GALNT13: variants seen among roughly 807,000 people sequenced by gnomAD.
GALNT13 encodes UDP-GalNAc:polypeptide N-acetylgalactosaminyltransferase 13.
GALNT13 carries 28 observed loss-of-function variants against 64.2 expected under a neutral mutation model. That is an observed-to-expected ratio of 0.44 (90% CI 0.32 to 0.60). The LOEUF (loss-of-function observed/expected upper bound fraction) is 0.60, where lower values mean the gene tolerates loss of function less well. GALNT13 is among the 20% of genes least tolerant of loss of function. The probability of loss-of-function intolerance (pLI) is 0.05; values close to 1 mark genes in which losing one functional copy is unlikely to be tolerated. For synonymous variants in GALNT13, 214 were observed against 224.6 expected, an observed-to-expected ratio of 0.95 and a Z score of 0.42; for missense variants, 577 against 669.8, an observed-to-expected ratio of 0.86 and a Z score of 1.53.
At chr2:153,513,148 G>GT in the GALNT13 span, among the ~76,000 whole-genome samples, 62 of 152,058 alleles carry the variant, frequency 4.1e-4, no homozygotes, top group East Asian at 0.012. Flanking sequence ...TAACTTCCAG[G>GT]TTTTTGTTTT....
At chr2:154,142,619 T>C (rs1683326344) in intron 4 of GALNT13, among the ~76,000 whole-genome samples, 1 of 150,758 alleles carries the variant, frequency 6.6e-6, no homozygotes, top group Admixed American at 6.6e-5. Context: ...CCAGGGCTTG[T>C]AATTGTCAGA....
At chr2:153,599,529 G>A in the GALNT13 span, among the ~76,000 whole-genome samples, 18 of 151,822 alleles carry the variant, frequency 1.2e-4, no homozygotes, top group Admixed American at 1.2e-3. Context: ...TGTACTGCTT[G>A]GCCCAAGAGG....
the GALNT13 span, among the ~76,000 whole-genome samples, chr2:153,258,339 A>T: frequency 3.3e-5 from 5 of 150,196 alleles, no homozygotes; most frequent in African/African-American, 1.2e-4. Flanking sequence ...CTGGAGACTG[A>T]TTTGAGTAAT....
chr2:153,597,118 A>G, the GALNT13 span, among the ~76,000 whole-genome samples: 1 of 152,050 alleles, frequency 6.6e-6, no homozygotes, highest in Middle Eastern at 3.2e-3. Context: ...CTAGGCTTCT[A>G]CTCTGGCCTC....
rs543281310 is a variant in GALNT13, at chr2:154,048,300, G to C, written c.143-92037G>C. Among the ~76,000 whole-genome samples, 15 of 152,162 alleles carry C rather than the reference G, an allele frequency of 9.9e-5. No homozygotes were observed. The South Asian group carries it at 2.3e-3, about 23-fold the overall frequency. Reference sequence around the variant, plus strand: ...AGGTGGGGGCCCACCTCCAACACTGGGTATTACAATTCTGTATGAGACTTG... The same window carrying C: ...AGGTGGGGGCCCACCTCCAACACTGCGTATTACAATTCTGTATGAGACTTG... On this transcript the variant is annotated intron_variant, in intron 3 of 12. Transcript: ENST00000392825.
the GALNT13 span, among the ~76,000 whole-genome samples, chr2:153,727,976 T>C: frequency 2.6e-5 from 4 of 152,328 alleles, no homozygotes; most frequent in African/African-American, 7.2e-5. Context: ...CTCCCACTTA[T>C]GAGTGAGAAC....
chr2:153,369,640 A>G, the GALNT13 span, among the ~76,000 whole-genome samples: 63 of 152,146 alleles, frequency 4.1e-4, no homozygotes, highest in Non-Finnish European at 7.6e-4. Context: ...AAAATATTCC[A>G]GAAATCATGA....
chr2:153,799,127 C>A, the GALNT13 span, among the ~76,000 whole-genome samples: 1 of 152,130 alleles, frequency 6.6e-6, no homozygotes, highest in South Asian at 2.1e-4. Context: ...ATTGTGACCC[C>A]CATAAGAAGA....
chr2:154,397,627 A>G (rs1417960953), intron 10 of GALNT13, among the ~76,000 whole-genome samples: 2 of 152,160 alleles, frequency 1.3e-5, no homozygotes, highest in Non-Finnish European at 2.9e-5. Context: ...CTTACTTACA[A>G]TTAACTAGAA....
chr2:153,589,490 G>A, the GALNT13 span, among the ~76,000 whole-genome samples: 85 of 152,140 alleles, frequency 5.6e-4, no homozygotes, highest in African/African-American at 1.9e-3. Context: ...ACATTTTTGG[G>A]TATCTTTTCA....
chr2:154,099,026 A>G (rs1702215110), intron 3 of GALNT13, among the ~76,000 whole-genome samples: 2 of 152,106 alleles, frequency 1.3e-5, no homozygotes, highest in South Asian at 4.1e-4. Flanking sequence ...ATGCCAATTT[A>G]CATTCCCACC....
At chr2:153,634,676 G>A in the GALNT13 span, among the ~76,000 whole-genome samples, 10 of 146,912 alleles carry the variant, frequency 6.8e-5, no homozygotes, top group South Asian at 6.7e-4. Flanking sequence ...TCAGCCTCCC[G>A]AGTAGCTGGG....
At chr2:153,976,153 G>A (rs1023658164) in intron 3 of GALNT13, among the ~76,000 whole-genome samples, 2 of 152,026 alleles carry the variant, frequency 1.3e-5, no homozygotes, top group Non-Finnish European at 1.5e-5. Flanking sequence ...TTTACAACCT[G>A]TAGAGGATAT....
At chr2:154,011,202 GTCTT>G (rs1696614151) in intron 3 of GALNT13, among the ~76,000 whole-genome samples, 1 of 151,978 alleles carries the variant, frequency 6.6e-6, no homozygotes, top group Non-Finnish European at 1.5e-5. Context: ...TCAATTTGAG[GTCTT>G]TCTAACTTTG....
chr2:153,246,954 T>C, the GALNT13 span, among the ~76,000 whole-genome samples: 2 of 152,254 alleles, frequency 1.3e-5, no homozygotes, highest in South Asian at 2.1e-4. Flanking sequence ...TGGATGAATA[T>C]TTACCAAGCA....
In GALNT13 at chr2:154,263,756, A is replaced by G. The variant is rs569477543; in HGVS notation, c.975+4618A>G. ...TTTCTACACTCATAAATCAGTTGGA[A>G]TGAAACAGTTGTTAATTTTTAAAAG... On this transcript the variant is annotated intron_variant, in intron 8 of 12. Transcript: ENST00000392825. 5.3e-5 allele frequency among the ~76,000 whole-genome samples: 8 copies of G among 152,312 alleles called. No homozygotes were observed. In the East Asian group the frequency reaches 1.3e-3, roughly 26 times the overall value.
At chr2:153,688,729 A>G in the GALNT13 span, among the ~76,000 whole-genome samples, 4 of 152,046 alleles carry the variant, frequency 2.6e-5, no homozygotes, top group Non-Finnish European at 5.9e-5. Context: ...TGGCTTCTTC[A>G]TTAAACTTGT....
At chr2:154,118,726 A>G (rs549293822) in intron 3 of GALNT13, among the ~76,000 whole-genome samples, 20 of 151,906 alleles carry the variant, frequency 1.3e-4, no homozygotes, top group Non-Finnish European at 1.6e-4. Flanking sequence ...GTGCTCTACT[A>G]AAGATTTTTG....
At chr2:153,366,365 C>T in the GALNT13 span, among the ~76,000 whole-genome samples, 3 of 151,850 alleles carry the variant, frequency 2.0e-5, no homozygotes, top group Admixed American at 6.6e-5. Context: ...ATGTAACAAA[C>T]CTGAATGTTT....
Sources: allele counts gnomAD v4.1 joint callset (sites outside exome capture counted in the v4.1 genomes callset), GRCh38; gene constraint gnomAD v4.1.1; transcripts MANE v1.5; gene names NCBI Gene and HGNC (gene_info 2026-07-23, HGNC 2026-07-21).